Variants in KCNH1 observed in about 807,000 individuals in gnomAD.
KCNH1 encodes potassium voltage-gated channel subfamily H member 1.
KCNH1 carries 27 observed loss-of-function variants against 69.2 expected under a neutral mutation model. That is an observed-to-expected ratio of 0.39 (90% CI 0.29 to 0.54). The LOEUF (loss-of-function observed/expected upper bound fraction) is 0.54. KCNH1 is among the 20% of genes least tolerant of loss of function. KCNH1 has a pLI of 0.68. For missense variants in KCNH1, 798 were observed against 1,261.6 expected, an observed-to-expected ratio of 0.63 and a Z score of 5.57; for synonymous variants, 456 against 487.7, an observed-to-expected ratio of 0.93 and a Z score of 0.86.
chr1:210,746,267 G>A (rs928144908), intron 10 of KCNH1, among the ~76,000 whole-genome samples: 2 of 152,132 alleles, frequency 1.3e-5, no homozygotes, highest in East Asian at 3.8e-4. Flanking sequence ...GTTTTATTGT[G>A]TAAAAACTAC....
chr1:210,935,120 T>TCACACACACA (rs10588037), intron 6 of KCNH1, among the ~76,000 whole-genome samples: 4 of 129,206 alleles, frequency 3.1e-5, no homozygotes, highest in African/African-American at 1.2e-4. Flanking sequence ...AAAGAAAATG[T>TCACACACACA]CACACACACA....
chr1:210,958,614 A>C (rs1287703095), intron 6 of KCNH1, among the ~76,000 whole-genome samples: 13 of 151,604 alleles, frequency 8.6e-5, no homozygotes, highest in Non-Finnish European at 1.0e-4. Context: ...ATTTCTTTTT[A>C]CTCTTTTTTC....
At chr1:210,810,824 T>C (rs1558479539) in intron 7 of KCNH1, among the ~76,000 whole-genome samples, 2 of 152,204 alleles carry the variant, frequency 1.3e-5, no homozygotes. Context: ...CTGCCTTTCT[T>C]CTTAGAAATA....
intron 5 of KCNH1, among the ~76,000 whole-genome samples, chr1:211,023,280 T>C (rs1337503116): frequency 6.6e-6 from 1 of 151,724 alleles, no homozygotes; most frequent in Non-Finnish European, 1.5e-5. Context: ...AAAATAGAAC[T>C]ACGATATGAT....
intron 10 of KCNH1, among the ~76,000 whole-genome samples, chr1:210,739,598 G>A (rs1682968243): frequency 6.6e-6 from 1 of 152,232 alleles, no homozygotes; most frequent in African/African-American, 2.4e-5. Flanking sequence ...TGTTATCATT[G>A]AAAAGAGACT....
At chr1:210,895,288 C>G (rs1037083684) in intron 7 of KCNH1, among the ~76,000 whole-genome samples, 8 of 151,912 alleles carry the variant, frequency 5.3e-5, no homozygotes. Flanking sequence ...AGCTCCTTAA[C>G]AGTAAGGTCT....
At chr1:210,953,146 T>G (rs755192365) in intron 6 of KCNH1, among the ~76,000 whole-genome samples, 1 of 152,214 alleles carries the variant, frequency 6.6e-6, no homozygotes, top group Admixed American at 6.5e-5. Flanking sequence ...TCTATTTTCT[T>G]AGAGCAAAGG....
intron 9 of KCNH1, among the ~76,000 whole-genome samples, chr1:210,783,349 G>A (rs1684028736): frequency 1.3e-5 from 2 of 152,264 alleles, no homozygotes; most frequent in South Asian, 4.1e-4. Flanking sequence ...AGGATAAACT[G>A]GAGACAAGAT....
At chr1:210,847,181 A>G (rs1185739838) in intron 7 of KCNH1, among the ~76,000 whole-genome samples, 1 of 152,210 alleles carries the variant, frequency 6.6e-6, no homozygotes, top group Non-Finnish European at 1.5e-5. Flanking sequence ...GCGATTCCTC[A>G]GGGATCTGGA....
intron 5 of KCNH1, among the ~76,000 whole-genome samples, chr1:211,068,930 AG>A (rs1690582551): frequency 6.6e-6 from 1 of 152,224 alleles, no homozygotes; most frequent in Non-Finnish European, 1.5e-5. Flanking sequence ...AACCATTCAT[AG>A]GAAGTCGCTT....
chr1:210,922,516 A>AT, intron 6 of KCNH1, among the ~76,000 whole-genome samples: 1 of 151,662 alleles, frequency 6.6e-6, no homozygotes, highest in South Asian at 2.1e-4. Flanking sequence ...ATAAGAATAG[A>AT]TTTTTGTAGG....
chr1:211,004,011 T>A (rs982786136), intron 6 of KCNH1, among the ~76,000 whole-genome samples: 1 of 152,062 alleles, frequency 6.6e-6, no homozygotes, highest in South Asian at 2.1e-4. Flanking sequence ...GAGAATGGCG[T>A]GAACCCCGGG....
chr1:210,776,004 T>A (rs748941882), intron 9 of KCNH1, among the ~76,000 whole-genome samples: 1 of 152,218 alleles, frequency 6.6e-6, no homozygotes, highest in African/African-American at 2.4e-5. Context: ...CCAATATTTA[T>A]AGGCAGAAGG....
At chr1:210,779,521 C>T (rs1298123879) in intron 9 of KCNH1, among the ~76,000 whole-genome samples, 3 of 152,218 alleles carry the variant, frequency 2.0e-5, no homozygotes, top group East Asian at 3.9e-4. Flanking sequence ...ACAAGCACTA[C>T]ACCCACATTT....
intron 6 of KCNH1, among the ~76,000 whole-genome samples, chr1:211,014,296 A>C (rs895356494): frequency 1.3e-5 from 2 of 152,238 alleles, no homozygotes; most frequent in African/African-American, 4.8e-5. Context: ...AAAGAGACTT[A>C]TTTAGCTTCT....
chr1:210,913,226 C>T (rs867853981), intron 7 of KCNH1, among the ~76,000 whole-genome samples: 11 of 152,210 alleles, frequency 7.2e-5, no homozygotes, highest in East Asian at 3.9e-4. Context: ...AGAACTCTAA[C>T]GATAAATTGG....
chr1:210,781,001 C>A (rs1417282578), intron 9 of KCNH1, among the ~76,000 whole-genome samples: 1 of 152,082 alleles, frequency 6.6e-6, no homozygotes, highest in Admixed American at 6.6e-5. Flanking sequence ...GAGCCGAGAT[C>A]GCACCACTGC....
At position 210,817,022 on chromosome 1, in the gene KCNH1, C is replaced by T. The variant is rs372257834; in HGVS notation, c.1463-12856G>A. ...TTTGCCAACTCTAATCTCAGTACCT[C>T]TAGCATTTGTTGATTTTCCATACTG... On this transcript the variant is annotated intron_variant, in intron 7 of 10. Transcript: ENST00000271751. Among the ~76,000 whole-genome samples, 6 of 152,290 alleles carry T rather than the reference C, an allele frequency of 3.9e-5. No homozygotes were observed. The South Asian group carries it at 6.2e-4, about 16-fold the overall frequency.
intron 5 of KCNH1, among the ~76,000 whole-genome samples, chr1:211,050,323 G>T (rs190004993): frequency 1.1e-4 from 16 of 140,748 alleles, no homozygotes; most frequent in Non-Finnish European, 2.3e-4. Flanking sequence ...CTGGGGTGGC[G>T]CTCTAGTCAC....
Sources: allele counts gnomAD v4.1 joint callset (sites outside exome capture counted in the v4.1 genomes callset), GRCh38; gene constraint gnomAD v4.1.1; transcripts MANE v1.5; gene names NCBI Gene and HGNC (gene_info 2026-07-23, HGNC 2026-07-21).